TYW1B: variants seen among roughly 807,000 people sequenced by gnomAD.
TYW1B encodes S-adenosyl-L-methionine-dependent tRNA 4-demethylwyosine synthase TYW1B.
Under a neutral mutation model 86.9 loss-of-function variants are expected in TYW1B, and 73 were observed. That is an observed-to-expected ratio of 0.84 (90% CI 0.70 to 1.02). The LOEUF (loss-of-function observed/expected upper bound fraction) is 1.02, where lower values mean the gene tolerates loss of function less well. Ranked by LOEUF, TYW1B falls within the 50% of genes least tolerant of loss-of-function variation. The pLI, the probability that TYW1B is intolerant of heterozygous loss-of-function variation, is 0.00. For missense variants in TYW1B, 637 were observed against 827.4 expected, an observed-to-expected ratio of 0.77 and a Z score of 2.82; for synonymous variants, 248 against 292.8, an observed-to-expected ratio of 0.85 and a Z score of 1.56.
intron 2 of TYW1B, 73 bp downstream of exon 2, chr7:72,826,782 T>C (rs1443584839): frequency 1.4e-5 from 22 of 1,526,524 alleles, no homozygotes; most frequent in Non-Finnish European, 1.8e-5. Context: ...TAATTAAAGG[T>C]TCCTTTTAGT....
At position 72,595,535 on chromosome 7, in the gene TYW1B, T is replaced by G. The variant is rs1414758979; in HGVS notation, c.1786-19816A>C. ...CCTGTCTCTAAAAAAATACAAAAAT[T>G]AGCCAGGTGTGATGGCATGCACTTG... On this transcript the variant is annotated intron_variant, in intron 13 of 13. Transcript: ENST00000620995. Among the ~76,000 whole-genome samples the G allele has an allele frequency of 4.0e-5, 6 of 151,876 alleles. No individual in the cohort carries two copies. The East Asian group carries it at 1.2e-3, about 29-fold the overall frequency.
chr7:72,734,689 A>G (rs1484101482), intron 8 of TYW1B, among the ~76,000 whole-genome samples: 1 of 152,234 alleles, frequency 6.6e-6, no homozygotes, highest in Non-Finnish European at 1.5e-5. Flanking sequence ...ATGACAGAAG[A>G]TATTTCCAAA....
intron 11 of TYW1B, among the ~76,000 whole-genome samples, chr7:72,634,642 A>G (rs1207905730): frequency 6.6e-6 from 1 of 151,918 alleles, no homozygotes; most frequent in Non-Finnish European, 1.5e-5. Flanking sequence ...CCCACGTTGT[A>G]TCAGAGTTTT....
intron 11 of TYW1B, among the ~76,000 whole-genome samples, chr7:72,664,689 C>T (rs13238203): frequency 0.019 from 2,835 of 152,048 alleles, 42 homozygotes; most frequent in South Asian, 0.037. Context: ...ATCTGTACAA[C>T]GAATTCCCAC....
intron 8 of TYW1B, among the ~76,000 whole-genome samples, chr7:72,742,330 A>G (rs1487612861): frequency 2.6e-5 from 4 of 152,178 alleles, no homozygotes; most frequent in Non-Finnish European, 4.4e-5. Flanking sequence ...AGGTTTCATC[A>G]TGTTACCCAG....
intron 6 of TYW1B, among the ~76,000 whole-genome samples, chr7:72,779,093 A>G (rs1245247908): frequency 2.6e-5 from 4 of 152,010 alleles, no homozygotes; most frequent in South Asian, 2.1e-4. Flanking sequence ...GAAATTCACA[A>G]TAACTCATCC....
At chr7:72,757,370 G>GAAA (rs35310114) in intron 7 of TYW1B, among the ~76,000 whole-genome samples, 7 of 129,818 alleles carry the variant, frequency 5.4e-5, no homozygotes, top group Admixed American at 7.9e-5. Context: ...TCCGTCTATG[G>GAAA]AAAAAAAAAA....
chr7:72,674,481 C>G (rs1295299762), intron 11 of TYW1B, among the ~76,000 whole-genome samples: 1 of 151,960 alleles, frequency 6.6e-6, no homozygotes, highest in Admixed American at 6.6e-5. Context: ...TTCATTCCAA[C>G]TCAAAGATTT....
chr7:72,715,662 G>A (rs1786765635), intron 9 of TYW1B, among the ~76,000 whole-genome samples: 1 of 151,508 alleles, frequency 6.6e-6, no homozygotes, highest in South Asian at 2.1e-4. Flanking sequence ...CCTGGGTGAT[G>A]AAATAATCTG....
chr7:72,741,479 G>C (rs1554462376), intron 8 of TYW1B, among the ~76,000 whole-genome samples: 1 of 152,136 alleles, frequency 6.6e-6, no homozygotes, highest in African/African-American at 2.4e-5. Flanking sequence ...CACACCATCA[G>C]ATTGAAAAGA....
chr7:72,726,155 T>C (rs1554458669), intron 9 of TYW1B, among the ~76,000 whole-genome samples: 1 of 152,136 alleles, frequency 6.6e-6, no homozygotes, highest in Non-Finnish European at 1.5e-5. Context: ...CACTGCTTTA[T>C]CCAAGTATAA....
intron 3 of TYW1B, among the ~76,000 whole-genome samples, 192 bp downstream of exon 3, chr7:72,815,183 CCCACA>C (rs1375251516): frequency 6.6e-6 from 1 of 152,008 alleles, no homozygotes; most frequent in Non-Finnish European, 1.5e-5. Flanking sequence ...AAGAACAAGC[CCCACA>C]CCACGTGAGA....
At chr7:72,696,664 G>A (rs1451050902) in intron 10 of TYW1B, among the ~76,000 whole-genome samples, 1 of 152,170 alleles carries the variant, frequency 6.6e-6, no homozygotes, top group East Asian at 1.9e-4. Context: ...GATTTCAGCA[G>A]ACAGAATTTT....
At chr7:72,711,747 A>G (rs1786673064) in intron 10 of TYW1B, among the ~76,000 whole-genome samples, 1 of 151,772 alleles carries the variant, frequency 6.6e-6, no homozygotes, top group Non-Finnish European at 1.5e-5. Flanking sequence ...TCAGCCTCCC[A>G]AAGTGCTGGG....
intron 13 of TYW1B, among the ~76,000 whole-genome samples, chr7:72,597,125 A>G (rs1811555643): frequency 6.6e-6 from 1 of 152,000 alleles, no homozygotes; most frequent in African/African-American, 2.4e-5. Context: ...TATAAGGCAG[A>G]CCACTACATA....
intron 9 of TYW1B, among the ~76,000 whole-genome samples, chr7:72,725,824 A>G (rs1293398596): frequency 6.6e-6 from 1 of 151,804 alleles, no homozygotes; most frequent in African/African-American, 2.4e-5. Context: ...ACATTAGCCA[A>G]CTCCTAAAAA....
At chr7:72,807,416 T>G in intron 4 of TYW1B, 60 bp from the exon 5 acceptor site, 1 of 1,555,332 alleles carries the variant, frequency 6.4e-7, no homozygotes, top group Non-Finnish European at 8.7e-7. Context: ...TTTTCCAGAC[T>G]GCTCTGCAAA....
In TYW1B at chr7:72,794,010, G is replaced by A. The variant is rs368677194; in HGVS notation, c.846+8390C>T. Among the ~76,000 whole-genome samples, 11 of 152,264 alleles carry A rather than the reference G, an allele frequency of 7.2e-5. No homozygotes were observed. In the East Asian group the frequency reaches 1.9e-3, roughly 27 times the overall value. On this transcript the variant is annotated intron_variant, in intron 6 of 13. Transcript: ENST00000620995. ...CGCCCTCAGAGGATTACAGATTGAC[G>A]TACGGCTGCTGCCTAGGAAATTCAG...
chr7:72,714,217 G>A (rs1246037080), intron 9 of TYW1B, among the ~76,000 whole-genome samples: 1 of 152,082 alleles, frequency 6.6e-6, no homozygotes, highest in Non-Finnish European at 1.5e-5. Flanking sequence ...GTCCAAAGCT[G>A]TACAGGAGAG....
Sources: gnomAD v4.1 joint callset for allele counts (sites outside exome capture counted in the v4.1 genomes callset) on GRCh38, gnomAD v4.1.1 for gene constraint, MANE v1.5 for transcripts, NCBI Gene and HGNC (gene_info 2026-07-23, HGNC 2026-07-21) for gene names.